TENM1: variants seen among roughly 807,000 people sequenced by gnomAD.
TENM1 encodes teneurin transmembrane protein 1.
Under a neutral mutation model 174.8 loss-of-function variants are expected in TENM1, and 35 were observed. The observed-to-expected ratio is 0.20, with a 90% CI of 0.15 to 0.27. TENM1 has a LOEUF of 0.27. Among genes scored for constraint, TENM1 ranks in the 10% least tolerant of loss-of-function variants. The pLI is 1.00. For missense variants in TENM1, 1,633 were observed against 2,130.1 expected (o/e 0.77, Z 4.59); for synonymous variants, 781 against 798.7 (o/e 0.98, Z 0.37).
At chrX:124,571,957 A>G (rs1334468831) in intron 11 of TENM1, among the ~76,000 whole-genome samples, 1 of 102,945 alleles carries the variant, frequency 9.7e-6, no homozygotes, top group Non-Finnish European at 2.0e-5. Flanking sequence ...GGAGAAAATG[A>G]TTTTTTTTTT....
intron 11 of TENM1, among the ~76,000 whole-genome samples, chrX:124,589,621 A>T (rs963619562): frequency 9.1e-6 from 1 of 110,293 alleles, no homozygotes; most frequent in African/African-American, 3.3e-5. Flanking sequence ...CAGGCTTTCA[A>T]TTTCTTCCTT....
exon 14 of TENM1, chrX:124,561,674 C>T: frequency 8.3e-7 from 1 of 1,210,764 alleles, no homozygotes; most frequent in Non-Finnish European, 1.1e-6. Context: ...GACTCACCTC[C>T]ATCATTGTCC....
chrX:124,392,975 A>C (rs1297884318), intron 27 of TENM1, among the ~76,000 whole-genome samples: 5 of 111,847 alleles, frequency 4.5e-5, no homozygotes, highest in Non-Finnish European at 9.4e-5. Context: ...CCCAGCATTC[A>C]CAAGGGCAGC....
At chrX:124,584,104 A>G (rs1488636795) in intron 11 of TENM1, among the ~76,000 whole-genome samples, 1 of 110,546 alleles carries the variant, frequency 9.0e-6, no homozygotes, top group Admixed American at 9.7e-5. Flanking sequence ...AAGTTGGAAA[A>G]TGCTCTGCAG....
intron 4 of TENM1, among the ~76,000 whole-genome samples, chrX:124,735,388 G>A (rs956096451): frequency 7.2e-5 from 8 of 111,843 alleles, no homozygotes; most frequent in African/African-American, 2.6e-4. Context: ...TGCAAATTAA[G>A]ACCACAATGA....
intron 1 of TENM1, among the ~76,000 whole-genome samples, chrX:124,911,912 A>G (rs1052279851): frequency 1.8e-5 from 2 of 111,978 alleles, no homozygotes; most frequent in African/African-American, 3.2e-5. Flanking sequence ...TGTGAGTTTT[A>G]ATCCAGAATG....
chrX:124,509,092 A>AAACAC (rs1569535353), intron 18 of TENM1, among the ~76,000 whole-genome samples: 1 of 90,349 alleles, frequency 1.1e-5, no homozygotes, highest in African/African-American at 4.1e-5. Flanking sequence ...CACACACACA[A>AAACAC]ACACACACAC....
Position 124,423,570 on chromosome X carries a change from G to C in TENM1, c.4105-932C>G, listed in dbSNP as rs186251289. On this transcript the variant is annotated intron_variant, in intron 23 of 31. Coordinates refer to ENST00000422452, the Ensembl canonical transcript of TENM1. ...AGCACTTCACCTGGACTAGGAGTCAGGAGGCAAGATATTCCCAGAGCAGGT... is the reference window on the plus strand; with the variant it reads ...AGCACTTCACCTGGACTAGGAGTCACGAGGCAAGATATTCCCAGAGCAGGT... Among the ~76,000 whole-genome samples, 6 of 111,165 alleles carry C rather than the reference G, an allele frequency of 5.4e-5. No homozygotes were observed. The Admixed American group carries it at 5.7e-4, about 11-fold the overall frequency.
intron 6 of TENM1, among the ~76,000 whole-genome samples, chrX:124,661,554 T>C (rs2051601638): frequency 8.9e-6 from 1 of 111,964 alleles, no homozygotes; most frequent in African/African-American, 3.2e-5. Context: ...CAATGTTAGA[T>C]ACTGTTATAT....
chrX:124,563,883 C>T lies in TENM1; in HGVS notation c.2264-111G>A, dbSNP rs923605281. The T allele has an allele frequency of 2.2e-5, 14 of 645,729 alleles. No homozygotes were observed. The South Asian group carries it at 3.1e-4, about 14-fold the overall frequency. 53.2% of individuals were successfully genotyped at this position (645,729 alleles called of 1,213,427 possible). A position where few individuals can be genotyped will look rare whatever the true frequency, so the allele number is the denominator to read the frequency against. On this transcript the variant is annotated intron_variant, in intron 12 of 31. Transcript: ENST00000422452. ...CCTGGGAGGAGAACAGCAAACTGCG[C>T]ACTGCTGAAATGCCTGCAGCTCAAA...
rs751888825 is a variant in TENM1, at chrX:124,538,618, C to A, written c.2651+8256G>T. ...TTCATGTTCCTAGATTAAAAATACC[C>A]AAAAATCTGCCATTAGCAAGTAGAC... On this transcript the variant is annotated intron_variant, in intron 15 of 31. Coordinates refer to ENST00000422452, the Ensembl canonical transcript of TENM1. Among the ~76,000 whole-genome samples, 7 of 111,313 alleles carry A rather than the reference C, an allele frequency of 6.3e-5. No homozygotes were observed. In the East Asian group the frequency reaches 2.0e-3, roughly 32 times the overall value.
intron 1 of TENM1, among the ~76,000 whole-genome samples, chrX:124,907,314 A>T (rs1475860929): frequency 1.6e-4 from 18 of 112,318 alleles, no homozygotes; most frequent in Non-Finnish European, 7.5e-5. Flanking sequence ...GAAGGGCTTA[A>T]ATTCTGGATA....
exon 4 of TENM1, chrX:124,737,031 G>A (rs748629794): frequency 1.8e-5 from 22 of 1,211,606 alleles, no homozygotes; most frequent in Non-Finnish European, 2.5e-5. Flanking sequence ...TGCTGGTTGG[G>A]GGAGCTGGAG....
intron 4 of TENM1, among the ~76,000 whole-genome samples, chrX:124,733,360 T>C (rs1483615685): frequency 8.9e-6 from 1 of 112,453 alleles, no homozygotes; most frequent in Admixed American, 9.3e-5. Context: ...ATTACCTATT[T>C]TGGAGATATT....
At chrX:125,155,967 G>A in the TENM1 span, among the ~76,000 whole-genome samples, 15,791 of 112,606 alleles carry the variant, frequency 0.14, 1,954 homozygotes, top group African/African-American at 0.38. Context: ...GCCCAGGCAA[G>A]GGAGGCGCCG....
intron 11 of TENM1, among the ~76,000 whole-genome samples, chrX:124,579,628 C>T (rs761024158): frequency 2.5e-4 from 28 of 111,875 alleles, no homozygotes; most frequent in African/African-American, 8.1e-4. Context: ...AGTTTTTATA[C>T]ATATGCATTA....
At chrX:125,148,245 T>A in the TENM1 span, among the ~76,000 whole-genome samples, 1 of 110,631 alleles carries the variant, frequency 9.0e-6, no homozygotes, top group African/African-American at 3.3e-5. Flanking sequence ...CTCTCTCTTT[T>A]CCCGCAGCAT....
the TENM1 span, among the ~76,000 whole-genome samples, chrX:125,183,413 G>A: frequency 9.0e-6 from 1 of 111,651 alleles, no homozygotes; most frequent in Non-Finnish European, 1.9e-5. Context: ...GCTGTGATAT[G>A]TAGATGAAGG....
chrX:124,710,991 C>T (rs1173938104), intron 4 of TENM1, among the ~76,000 whole-genome samples: 1 of 112,101 alleles, frequency 8.9e-6, no homozygotes, highest in East Asian at 2.8e-4. Flanking sequence ...TGTCTAAGCA[C>T]ATTGCTTTTC....
Sources: gnomAD v4.1 joint callset for allele counts (sites outside exome capture counted in the v4.1 genomes callset) on GRCh38, gnomAD v4.1.1 for gene constraint, MANE v1.5 for transcripts, NCBI Gene and HGNC (gene_info 2026-07-23, HGNC 2026-07-21) for gene names.